THADA: variants seen among roughly 807,000 people sequenced by gnomAD.
THADA encodes THADA armadillo repeat containing.
THADA carries 213 observed loss-of-function variants against 219.8 expected under a neutral mutation model. The observed-to-expected ratio is 0.97, with a 90% CI of 0.87 to 1.09. The LOEUF (loss-of-function observed/expected upper bound fraction) is 1.09. Among genes scored for constraint, THADA ranks in the 50% least tolerant of loss-of-function variants. The pLI is 0.00. For synonymous variants in THADA, 1,018 were observed against 828.9 expected, an observed-to-expected ratio of 1.23 and a Z score of -3.92; for missense variants, 2,956 against 2,311.3, an observed-to-expected ratio of 1.28 and a Z score of -5.72.
chr2:43,478,809 T>G (rs1169111182), intron 26 of THADA, among the ~76,000 whole-genome samples: 1 of 152,222 alleles, frequency 6.6e-6, no homozygotes, highest in Non-Finnish European at 1.5e-5. Flanking sequence ...GAACTTCTTT[T>G]CAGTTAAAAA....
At chr2:43,350,435 T>G (rs183107437) in intron 29 of THADA, among the ~76,000 whole-genome samples, 1 of 152,202 alleles carries the variant, frequency 6.6e-6, no homozygotes, top group Non-Finnish European at 1.5e-5. Context: ...ATACAGTATG[T>G]CATTTGCAGT....
At chr2:43,394,125 T>C (rs1050282391) in intron 29 of THADA, among the ~76,000 whole-genome samples, 6 of 152,226 alleles carry the variant, frequency 3.9e-5, no homozygotes, top group African/African-American at 9.6e-5. Context: ...CTAGCCTTTA[T>C]TGAGATTTAA....
intron 19 of THADA, among the ~76,000 whole-genome samples, chr2:43,549,686 C>T (rs1213094651): frequency 6.6e-6 from 1 of 152,020 alleles, no homozygotes; most frequent in Non-Finnish European, 1.5e-5. Flanking sequence ...TGGTGCTAAT[C>T]ATGTCAAAGA....
At chr2:43,575,670 G>A (rs1574331193) in intron 10 of THADA, among the ~76,000 whole-genome samples, 2 of 152,226 alleles carry the variant, frequency 1.3e-5, no homozygotes, top group East Asian at 3.9e-4. Flanking sequence ...CTCAGTAGCT[G>A]GGATTACAGG....
chr2:43,255,715 C>A (rs151164501), intron 36 of THADA, among the ~76,000 whole-genome samples: 34 of 152,330 alleles, frequency 2.2e-4, no homozygotes, highest in African/African-American at 7.7e-4. Flanking sequence ...CCCCGGGAAG[C>A]TCAGATTCTT....
chr2:43,256,477 C>T (rs901721218), intron 36 of THADA, among the ~76,000 whole-genome samples: 1 of 152,036 alleles, frequency 6.6e-6, no homozygotes, highest in African/African-American at 2.4e-5. Flanking sequence ...GGCATGATCA[C>T]GGCTCACTGC....
At position 43,594,782 on chromosome 2, in the gene THADA, T is replaced by C. The variant is rs533104074; in HGVS notation, c.-25+1149A>G. On this transcript the variant is annotated intron_variant, in intron 1 of 37. Transcript: ENST00000405975. Reference sequence around the variant, plus strand: ...TTCTCAGTATCTCTGCCCCTTAATGTTCATTCCACATCTTTGCAAGACTGA... The same window carrying C: ...TTCTCAGTATCTCTGCCCCTTAATGCTCATTCCACATCTTTGCAAGACTGA... Among the ~76,000 whole-genome samples, 45 of 152,262 alleles carry C rather than the reference T, an allele frequency of 3.0e-4. 1 individual carries two copies. The highest frequency in any genetic ancestry group is 1.1e-3 in the Admixed American group (17 of 15,300).
chr2:43,464,753 AAT>A (rs1684035524), intron 26 of THADA, among the ~76,000 whole-genome samples: 2 of 152,274 alleles, frequency 1.3e-5, no homozygotes, highest in Non-Finnish European at 1.5e-5. Context: ...TTATGAAATA[AAT>A]ACTCAGCCTC....
At chr2:43,566,006 T>A (rs1048705873) in intron 15 of THADA, 1 of 154,538 alleles carries the variant, frequency 6.5e-6, no homozygotes, top group African/African-American at 2.4e-5. Context: ...GAGAATCGCT[T>A]GAACCCAGCA....
At chr2:43,495,496 C>G (rs1688149308) in intron 25 of THADA, among the ~76,000 whole-genome samples, 1 of 152,030 alleles carries the variant, frequency 6.6e-6, no homozygotes, top group Non-Finnish European at 1.5e-5. Context: ...GAAAATGAAT[C>G]AGAATGCTCA....
chr2:43,489,988 G>T (rs1318753706), intron 25 of THADA, among the ~76,000 whole-genome samples: 4 of 150,988 alleles, frequency 2.6e-5, no homozygotes, highest in African/African-American at 9.8e-5. Flanking sequence ...TTCCAGTGAT[G>T]AACACAGGAG....
rs1319499714 is a variant in THADA at position 43,396,479 on chromosome 2, G to A, written c.4227+1492C>T. On this transcript the variant is annotated intron_variant, in intron 29 of 37. Transcript: ENST00000405975. ...TATTGCGACTGTGACACAGTGAAATGTAGTAGGCATTTGTTGAATATAGAA... is the reference window on the plus strand; with the variant it reads ...TATTGCGACTGTGACACAGTGAAATATAGTAGGCATTTGTTGAATATAGAA... 2.0e-5 allele frequency among the ~76,000 whole-genome samples: 3 copies of A among 152,290 alleles called. No homozygotes were observed. The East Asian group carries it at 5.8e-4, about 29-fold the overall frequency.
At chr2:43,523,406 G>T (rs1334777701) in intron 22 of THADA, among the ~76,000 whole-genome samples, 1 of 152,038 alleles carries the variant, frequency 6.6e-6, no homozygotes, top group Non-Finnish European at 1.5e-5. Flanking sequence ...ACACAAGATT[G>T]TATATTCTTT....
chr2:43,235,226 C>A (rs572909677), intron 36 of THADA, among the ~76,000 whole-genome samples: 1 of 152,106 alleles, frequency 6.6e-6, no homozygotes, highest in Non-Finnish European at 1.5e-5. Flanking sequence ...GTGATTCACC[C>A]GCCTCAGCCT....
intron 30 of THADA, among the ~76,000 whole-genome samples, chr2:43,322,580 T>C (rs2104468488): frequency 6.9e-6 from 1 of 145,050 alleles, no homozygotes; most frequent in East Asian, 2.1e-4. Flanking sequence ...GAAAATGAAA[T>C]CCCTTTTCCA....
intron 28 of THADA, among the ~76,000 whole-genome samples, chr2:43,420,897 G>T (rs1677626826): frequency 6.6e-6 from 1 of 152,218 alleles, no homozygotes; most frequent in South Asian, 2.1e-4. Context: ...AGGGCCATGA[G>T]TACAGCCCTC....
intron 22 of THADA, among the ~76,000 whole-genome samples, chr2:43,512,863 C>A (rs185716626): frequency 1.5e-3 from 225 of 152,324 alleles, no homozygotes; most frequent in African/African-American, 5.0e-3. Flanking sequence ...GAAAGAAAAA[C>A]AAATATTCGT....
At chr2:43,484,582 T>C (rs930890424) in intron 26 of THADA, 1 of 167,118 alleles carries the variant, frequency 6.0e-6, no homozygotes, top group Non-Finnish European at 1.5e-5. Context: ...GCTTTTCTTC[T>C]TTAAAAACAA....
At chr2:43,242,957 T>C (rs1335319093) in intron 36 of THADA, among the ~76,000 whole-genome samples, 1 of 152,234 alleles carries the variant, frequency 6.6e-6, no homozygotes, top group Non-Finnish European at 1.5e-5. Flanking sequence ...TACCCAGGTG[T>C]CCTTGCCACC....
Sources: gnomAD v4.1 joint callset for allele counts (sites outside exome capture counted in the v4.1 genomes callset) on GRCh38, gnomAD v4.1.1 for gene constraint, MANE v1.5 for transcripts, NCBI Gene and HGNC (gene_info 2026-07-23, HGNC 2026-07-21) for gene names.